LFNG: variants seen among roughly 807,000 people sequenced by gnomAD.
The protein encoded by LFNG is beta-1,3-N-acetylglucosaminyltransferase lunatic fringe.
In LFNG, 15 loss-of-function variants were observed where a neutral mutation model predicts 32.7. The ratio of observed to expected loss-of-function variants is 0.46; its 90% CI spans 0.31 to 0.71. The LOEUF (loss-of-function observed/expected upper bound fraction) is 0.71. Among genes scored for constraint, LFNG ranks in the 30% least tolerant of loss-of-function variants. LFNG has a pLI of 0.06. For missense variants in LFNG, 520 were observed against 545.7 expected (o/e 0.95, Z 0.47); for synonymous variants, 274 against 246.8 (o/e 1.11, Z -1.03).
Position 2,526,263 on chromosome 7 carries a change from A to G in LFNG, c.841A>G (p.Thr281Ala). 2 of 1,612,916 alleles carry G rather than the reference A, an allele frequency of 1.2e-6. No individual in the cohort carries two copies. The highest frequency in any genetic ancestry group is 1.7e-6 in the Non-Finnish European group (2 of 1,179,950). The change falls in exon 6 of 8, where the codon ACG becomes GCG. Residue 281 changes from threonine (T) to alanine (A), a missense_variant. Physicochemically the swap from Thr to Ala is moderately conservative, Grantham distance 58 (BLOSUM62 0). Coordinates refer to ENST00000222725, the MANE Select transcript of LFNG (RefSeq NM_001040167.2). This position sits in a 1 kb window ranked among gnomAD's most constrained non-coding sequence, Gnocchi z 6.9. The part of the protein sequence containing the change: ...PWASGGHFMN[T>A]AERIRLPDDC... ...CCGCAGCGGGGGTCACTTCATGAAT[A>G]CGGCTGAGCGGATCCGGCTGCCTGA...
upstream of LFNG, chr7:2,519,771 G>C: frequency 1.3e-6 from 1 of 752,744 alleles, no homozygotes; most frequent in East Asian, 1.0e-4. Context: ...CTGGTGCTGC[G>C]CTGCTGGACT....
chr7:2,512,904 C>T (rs1199231523), upstream of LFNG, among the ~76,000 whole-genome samples: 1 of 152,000 alleles, frequency 6.6e-6, no homozygotes, highest in African/African-American at 2.4e-5. Context: ...CACCTGCTCC[C>T]ACACCCCTGC....
upstream of LFNG, among the ~76,000 whole-genome samples, chr7:2,519,569 G>T (rs1202735467): frequency 6.6e-6 from 1 of 150,708 alleles, no homozygotes. Context: ...GGCGGGGGGG[G>T]TGCGGGGCGT....
In LFNG at chr7:2,525,455, G is replaced by C. The variant is rs369448148; in HGVS notation, c.623G>C (p.Arg208Pro). ...HVDDDNYVNL[R>P]ALLRLLASYP... ...GACGATGACAACTACGTCAACCTGC[G>C]GGCCCTGCTGCGGCTGCTGGCCAGC... Residue 208 changes from arginine to proline, a missense_variant, in exon 4 of 8, where the codon CGG (arginine) becomes CCG (proline). By Grantham distance (103) the Arg-to-Pro change is moderately radical. Transcript: ENST00000222725. 6.8e-6 allele frequency: 11 copies of C among 1,612,640 alleles called. No individual in the cohort carries two copies. The highest frequency in any genetic ancestry group is 1.6e-4 in the Middle Eastern group (1 of 6,084).
chr7:2,521,178 C>A (rs1242767754), intron 1 of LFNG, among the ~76,000 whole-genome samples: 1 of 149,220 alleles, frequency 6.7e-6, no homozygotes, highest in Non-Finnish European at 1.5e-5. Flanking sequence ...TTTTGGGGCA[C>A]TGTGGGTGGG....
rs2128377724 is a variant in LFNG at position 2,526,181 on chromosome 7, T to C, written c.822-63T>C. 1 of 1,586,954 alleles carries C rather than the reference T, an allele frequency of 6.3e-7. No homozygotes were observed. Among genetic ancestry groups the C allele is most frequent in the South Asian group, 1.1e-5 (1 of 90,468 alleles). On this transcript the variant is annotated intron_variant, in intron 5 of 7. Coordinates refer to ENST00000222725, the MANE Select transcript of LFNG (RefSeq NM_001040167.2). The surrounding 1 kb of genome is among the most constrained non-coding windows in gnomAD (Gnocchi z 6.9). ...TGCAGCGCCTTTGCCTGGTGGGGCC[T>C]CCCCAGCTCCCAGCAGATGGCTCCC... is the stretch of plus-strand genomic sequence containing the variant.
Position 2,526,491 on chromosome 7 carries a change from G to A in LFNG, c.987+82G>A. On this transcript the variant is annotated intron_variant, in intron 6 of 7. Coordinates refer to ENST00000222725, the MANE Select transcript of LFNG (RefSeq NM_001040167.2). This position sits in a 1 kb window ranked among gnomAD's most constrained non-coding sequence, Gnocchi z 6.9. Reference sequence around the variant, plus strand: ...CTGCCGAGAGGGGCGCAGTGGGGTGGGGCACTGTTCTAAACAGGGAGGCCA... The same window carrying A: ...CTGCCGAGAGGGGCGCAGTGGGGTGAGGCACTGTTCTAAACAGGGAGGCCA... 1 of 1,495,434 alleles carries A rather than the reference G, an allele frequency of 6.7e-7. No individual in the cohort carries two copies. The highest frequency in any genetic ancestry group is 1.1e-5 in the South Asian group (1 of 87,686). 92.6% of individuals were successfully genotyped at this position (1,495,434 alleles called of 1,614,324 possible).
upstream of LFNG, chr7:2,518,542 T>C (rs1431916284): frequency 7.4e-7 from 1 of 1,347,622 alleles, no homozygotes; most frequent in Admixed American, 1.7e-5. Flanking sequence ...CCAAAACCTG[T>C]TCCAGGTCTG....
upstream of LFNG, among the ~76,000 whole-genome samples, chr7:2,519,562 G>A (rs1311075946): frequency 1.3e-5 from 2 of 149,878 alleles, no homozygotes; most frequent in Admixed American, 6.6e-5. Context: ...TACCCGGGGC[G>A]GGGGGGGTGC....
upstream of LFNG, among the ~76,000 whole-genome samples, chr7:2,517,242 G>A (rs111518842): frequency 2.0e-5 from 3 of 152,138 alleles, no homozygotes; most frequent in Non-Finnish European, 2.9e-5. Flanking sequence ...AAGTCACCAC[G>A]AAATTCCATT....
Position 2,526,374 on chromosome 7 carries a change from C to T in LFNG, c.952C>T (p.Leu318=), listed in dbSNP as rs1186827468. 1.2e-6 allele frequency: 2 copies of T among 1,611,256 alleles called. No individual in the cohort carries two copies. The highest frequency in any genetic ancestry group is 1.6e-4 in the Middle Eastern group (1 of 6,062). ...CCTCTTCCACTCCCACCTGGAGAACCTGCAGCAGGTGCCCACCTCGGAGCT... is the reference window on the plus strand; with the variant it reads ...CCTCTTCCACTCCCACCTGGAGAACTTGCAGCAGGTGCCCACCTCGGAGCT... The part of the protein sequence containing the change: ...SGLFHSHLEN[L]QQVPTSELHE... Residue 318 remains leucine, a synonymous_variant, in exon 6 of 8, where the codon CTG becomes TTG. Coordinates refer to ENST00000222725, the MANE Select transcript of LFNG (RefSeq NM_001040167.2). The surrounding 1 kb of genome is among the most constrained non-coding windows in gnomAD (Gnocchi z 6.9).
upstream of LFNG, among the ~76,000 whole-genome samples, chr7:2,519,337 G>C (rs1264380212): frequency 6.6e-6 from 1 of 152,172 alleles, no homozygotes; most frequent in Non-Finnish European, 1.5e-5. Context: ...TGCTCAGGAG[G>C]GGAAGCGCAC....
chr7:2,526,968 G>GA lies in LFNG; in HGVS notation c.1073+47_1073+48insA. 1 of 1,555,344 alleles carries GA rather than the reference G, an allele frequency of 6.4e-7. No homozygotes were observed. Among genetic ancestry groups the GA allele is most frequent in the South Asian group, 1.1e-5 (1 of 88,978 alleles). ...TGGGCTTGCGTAGGGTGGCCTAGGG[G>GA]CGTCAGGGGGCCTCGTGGAGCTGCA... is the stretch of plus-strand genomic sequence containing the variant. On this transcript the variant is annotated intron_variant, in intron 7 of 7. Coordinates refer to ENST00000222725, the MANE Select transcript of LFNG (RefSeq NM_001040167.2). The surrounding 1 kb of genome is among the most constrained non-coding windows in gnomAD (Gnocchi z 6.9).
chr7:2,518,041 A>G, upstream of LFNG: 1 of 529,400 alleles, frequency 1.9e-6, no homozygotes, highest in Non-Finnish European at 2.7e-6. Context: ...GAAACAATTC[A>G]GATATGGGAG....
rs763392875 is a variant in LFNG at position 2,525,761 on chromosome 7, C to T, written c.812C>T (p.Pro271Leu). The T allele has an allele frequency of 1.1e-5, 17 of 1,611,586 alleles. No homozygotes were observed. Among genetic ancestry groups the T allele is most frequent in the African/African-American group, 4.0e-5 (3 of 74,944 alleles). The change falls in exon 5 of 8, where the codon CCG becomes CTG. Residue 271 changes from proline (P) to leucine (L), a missense_variant. Physicochemically the swap from Pro to Leu is moderately conservative, Grantham distance 98. Transcript: ENST00000222725. Reference sequence around the variant, plus strand: ...CGTGGGCTGGCTCTGAAGATGAGCCCGTGGGCCAGGTGAGTGCCCTGCACA... The same window carrying T: ...CGTGGGCTGGCTCTGAAGATGAGCCTGTGGGCCAGGTGAGTGCCCTGCACA... ...ISRGLALKMS[P>L]WASGGHFMNT...
chr7:2,518,351 G>A (rs1779680605), upstream of LFNG, among the ~76,000 whole-genome samples: 1 of 152,164 alleles, frequency 6.6e-6, no homozygotes, highest in African/African-American at 2.4e-5. Flanking sequence ...CTAATTACCT[G>A]GGGCCAGGAA....
At chr7:2,517,480 T>A (rs550879279), upstream of LFNG, among the ~76,000 whole-genome samples, 1 of 152,196 alleles carries the variant, frequency 6.6e-6, no homozygotes, top group Admixed American at 6.5e-5. Flanking sequence ...TGGTACAATA[T>A]CCCCCTTGCT....
intron 1 of LFNG, among the ~76,000 whole-genome samples, chr7:2,521,916 C>T (rs1779802953): frequency 6.6e-6 from 1 of 152,222 alleles, no homozygotes; most frequent in African/African-American, 2.4e-5. Context: ...CCATCACTCC[C>T]TTGAGCCCTG....
Position 2,527,337 on chromosome 7 carries a change from C to CATGTGT in LFNG, c.*125_*126insATGTGT. ...GGCCGTGCCTGTGCGTGTGCGTGTG[C>CATGTGT]GTGTGTGTGTGTGTGTACTGCATGC... On this transcript the variant is annotated 3_prime_UTR_variant, in exon 8 of 8. Coordinates refer to ENST00000222725, the MANE Select transcript of LFNG (RefSeq NM_001040167.2). The surrounding 1 kb of genome is among the most constrained non-coding windows in gnomAD (Gnocchi z 4.4). The CATGTGT allele has an allele frequency of 2.1e-6, 3 of 1,451,412 alleles. No homozygotes were observed. The highest frequency in any genetic ancestry group is 2.8e-6 in the Non-Finnish European group (3 of 1,087,490). The allele number at this position is 1,451,412 out of a possible 1,614,324, so 89.9% of individuals were successfully genotyped here.
Sources: allele counts gnomAD v4.1 joint callset (sites outside exome capture counted in the v4.1 genomes callset), GRCh38; gene constraint gnomAD v4.1.1; non-coding constraint Gnocchi (gnomAD v3.1); transcripts MANE v1.5; gene names NCBI Gene and HGNC (gene_info 2026-07-23, HGNC 2026-07-21).